AP2S1: variants seen among roughly 807,000 people sequenced by gnomAD.
AP2S1 encodes AP-2 complex subunit sigma.
AP2S1 carries 6 observed loss-of-function variants against 21.0 expected under a neutral mutation model. That is an observed-to-expected ratio of 0.29 (90% CI 0.16 to 0.56). AP2S1 has a LOEUF of 0.56. Ranked by LOEUF, AP2S1 falls within the 20% of genes least tolerant of loss-of-function variation. AP2S1 has a pLI of 0.92. For synonymous variants in AP2S1, 63 were observed against 74.6 expected, an observed-to-expected ratio of 0.84 and a Z score of 0.80; for missense variants, 60 against 186.2, an observed-to-expected ratio of 0.32 and a Z score of 3.95.
chr19:46,850,190 AC>A, intron 1 of AP2S1: 9 of 1,232,316 alleles, frequency 7.3e-6, no homozygotes, highest in Non-Finnish European at 9.1e-6. Flanking sequence ...TTCATTCCCT[AC>A]AGTTGCCTCC....
chr19:46,838,427 G>A lies in AP2S1; in HGVS notation c.*20C>T, dbSNP rs771024844. The A allele has an allele frequency of 6.8e-6, 11 of 1,611,820 alleles. No individual in the cohort carries two copies. Among genetic ancestry groups the A allele is most frequent in the Admixed American group, 3.3e-5 (2 of 59,986 alleles). Reference sequence around the variant, plus strand: ...GGCGAGTCCAGGAGGGGCCGGGGCCGGGGTGGGGCTCGCCTGCCCTCACTC... The same window carrying A: ...GGCGAGTCCAGGAGGGGCCGGGGCCAGGGTGGGGCTCGCCTGCCCTCACTC... On this transcript the variant is annotated 3_prime_UTR_variant, in exon 5 of 5. Coordinates refer to ENST00000263270, the MANE Select transcript of AP2S1 (RefSeq NM_004069.6). This position sits in a 1 kb window ranked among gnomAD's most constrained non-coding sequence, Gnocchi z 4.1.
At chr19:46,850,597 G>C (rs1481556447) in intron 1 of AP2S1, 167 bp downstream of exon 1, 2 of 667,162 alleles carry the variant, frequency 3.0e-6, no homozygotes, top group Non-Finnish European at 5.0e-6. Flanking sequence ...CAGAATCACC[G>C]CCCTGTGCCC....
At chr19:46,850,355 T>C (rs1187135171) in intron 1 of AP2S1, 24 of 1,243,236 alleles carry the variant, frequency 1.9e-5, no homozygotes, top group Non-Finnish European at 2.4e-5. Context: ...TTTTCCAAGG[T>C]CTCGCGTTCT....
In AP2S1 at chr19:46,838,695, C is replaced by A. The variant is rs780320260; in HGVS notation, c.327+45G>T. On this transcript the variant is annotated intron_variant, in intron 4 of 4. Transcript: ENST00000263270. This position sits in a 1 kb window ranked among gnomAD's most constrained non-coding sequence, Gnocchi z 4.1. ...CTAGTGCACCACGGGTCCCCCCCGTCCCCCTCCTCTGGCTCCTTCAGCCTC... is the reference window on the plus strand; with the variant it reads ...CTAGTGCACCACGGGTCCCCCCCGTACCCCTCCTCTGGCTCCTTCAGCCTC... 9 of 1,605,886 alleles carry A rather than the reference C, an allele frequency of 5.6e-6. No individual in the cohort carries two copies. Among genetic ancestry groups the A allele is most frequent in the Non-Finnish European group, 5.1e-6 (6 of 1,173,160 alleles).
chr19:46,850,779 C>T lies in AP2S1; in HGVS notation c.-13G>A. 1 of 1,579,116 alleles carries T rather than the reference C, an allele frequency of 6.3e-7. No individual in the cohort carries two copies. Among genetic ancestry groups the T allele is most frequent in the Non-Finnish European group, 8.6e-7 (1 of 1,161,532 alleles). ...CCCCCGTTACCATGGCGACCCCCGTCCAGACCCCAGCGGCCCCGGTCCCGC... is the reference window on the plus strand; with the variant it reads ...CCCCCGTTACCATGGCGACCCCCGTTCAGACCCCAGCGGCCCCGGTCCCGC... On this transcript the variant is annotated 5_prime_UTR_variant, in exon 1 of 5. Coordinates refer to ENST00000263270, the MANE Select transcript of AP2S1 (RefSeq NM_004069.6).
intron 1 of AP2S1, 128 bp from the exon 2 acceptor site, chr19:46,846,270 C>G (rs138474168): frequency 1.6e-6 from 2 of 1,241,566 alleles, no homozygotes; most frequent in Non-Finnish European, 2.2e-6. Context: ...GCCTGACTTC[C>G]AGGGGTCTCG....
chr19:46,845,212 G>A (rs2055607662), intron 2 of AP2S1, among the ~76,000 whole-genome samples: 1 of 151,454 alleles, frequency 6.6e-6, no homozygotes, highest in Non-Finnish European at 1.5e-5. Context: ...TTCGAGACCA[G>A]CCTGGCCAAC....
At chr19:46,839,440 A>AAAAACC in intron 3 of AP2S1, 25 bp downstream of exon 3, 1 of 738,516 alleles carries the variant, frequency 1.4e-6, no homozygotes, top group Non-Finnish European at 2.1e-6. Context: ...CCGCCTCCCC[A>AAAAACC]CCTTACATCC....
rs1343651695 is a variant in AP2S1, at chr19:46,838,404, C to A, written c.*43G>T. ...GGCCTGGGAAGGGGAAGCGAGCAGG[C>A]GAGTCCAGGAGGGGCCGGGGCCGGG... On this transcript the variant is annotated 3_prime_UTR_variant, in exon 5 of 5. Transcript: ENST00000263270. This position sits in a 1 kb window ranked among gnomAD's most constrained non-coding sequence, Gnocchi z 4.1. 1 of 1,593,258 alleles carries A rather than the reference C, an allele frequency of 6.3e-7. No individual in the cohort carries two copies. Among genetic ancestry groups the A allele is most frequent in the Non-Finnish European group, 8.6e-7 (1 of 1,162,364 alleles).
chr19:46,839,015 G>A (rs895590036), intron 3 of AP2S1, among the ~76,000 whole-genome samples: 2 of 151,904 alleles, frequency 1.3e-5, no homozygotes, highest in Admixed American at 6.6e-5. Context: ...GGTCAGGCGC[G>A]GTGGCTCACA....
intron 1 of AP2S1, 163 bp downstream of exon 1, chr19:46,850,601 T>C: frequency 1.5e-6 from 1 of 680,290 alleles, no homozygotes; most frequent in Non-Finnish European, 2.4e-6. Context: ...ATCACCGCCC[T>C]GTGCCCTCCT....
At chr19:46,846,227 C>G (rs1375455460) in intron 1 of AP2S1, 85 bp from the exon 2 acceptor site, 1 of 1,542,378 alleles carries the variant, frequency 6.5e-7, no homozygotes, top group Non-Finnish European at 8.8e-7. Context: ...CCCATCCACC[C>G]AGAGGGGAGA....
At chr19:46,839,431 C>CCCCCCCCCCCCCAAAAAAACACA in intron 3 of AP2S1, 34 bp downstream of exon 3, 1 of 1,477,028 alleles carries the variant, frequency 6.8e-7, no homozygotes, top group African/African-American at 1.4e-5. Context: ...GCTGCCCACC[C>CCCCCCCCCCCCCAAAAAAACACA]GCCTCCCCAC....
chr19:46,846,677 A>C (rs2055641008), intron 1 of AP2S1, among the ~76,000 whole-genome samples: 1 of 151,748 alleles, frequency 6.6e-6, no homozygotes, highest in African/African-American at 2.4e-5. Context: ...TGTTATTTTT[A>C]AATTTTCAGA....
rs762267195 is a variant in AP2S1, at chr19:46,838,489, C to T, written c.387G>A (p.Thr129=). 1.4e-5 allele frequency: 22 copies of T among 1,614,032 alleles called. No individual in the cohort carries two copies. Among genetic ancestry groups the T allele is most frequent in the African/African-American group, 1.3e-4 (10 of 74,950 alleles). The part of the protein sequence containing the change: ...LAGEIRETSQ[T]KVLKQLLMLQ... ...GCATCAGCAGCTGTTTCAGCACCTT[C>T]GTCTGGCTGGTCTCTCGGATTTCGC... is the stretch of plus-strand genomic sequence containing the variant. Residue 129 remains threonine (T), a synonymous_variant, in exon 5 of 5, where the codon ACG becomes ACA. Coordinates refer to ENST00000263270, the MANE Select transcript of AP2S1 (RefSeq NM_004069.6). This position sits in a 1 kb window ranked among gnomAD's most constrained non-coding sequence, Gnocchi z 4.1.
In AP2S1 at chr19:46,843,287, A is replaced by G. The variant is rs371534; in HGVS notation, c.153+2706T>C. Among the ~76,000 whole-genome samples the G allele has an allele frequency of 3.4e-3, 517 of 152,294 alleles. 4 individuals carry two copies. The highest frequency in any genetic ancestry group is 0.011 in the African/African-American group (477 of 41,558). ...CAGCATCTCCCACCTGGACCACTGC[A>G]GCCACCTCTCTCCGAGCAGTCTCCT... On this transcript the variant is annotated intron_variant, in intron 2 of 4. Coordinates refer to ENST00000263270, the MANE Select transcript of AP2S1 (RefSeq NM_004069.6).
intron 3 of AP2S1, among the ~76,000 whole-genome samples, 141 bp downstream of exon 3, chr19:46,839,296 AAAAAAAAAAAAAAAAAAAAAAGAAAAAG>A (rs2055469825): frequency 6.8e-5 from 3 of 44,358 alleles, no homozygotes; most frequent in African/African-American, 4.6e-4. Flanking sequence ...CAAAAAAAAA[AAAAAAAAAAAAAAAAAAAAAAGAAAAAG>A]AAAAAAAAGA....
At chr19:46,843,912 A>C (rs1305039580) in intron 2 of AP2S1, among the ~76,000 whole-genome samples, 1 of 151,150 alleles carries the variant, frequency 6.6e-6, no homozygotes, top group Non-Finnish European at 1.5e-5. Flanking sequence ...AAACAAAAAC[A>C]ACCTTTCTTT....
chr19:46,847,607 G>A (rs1052430526), intron 1 of AP2S1, among the ~76,000 whole-genome samples: 3 of 151,502 alleles, frequency 2.0e-5, no homozygotes, highest in Admixed American at 6.6e-5. Flanking sequence ...GTCACTCTCC[G>A]TTCCCCCAGG....
Sources: allele counts gnomAD v4.1 joint callset (sites outside exome capture counted in the v4.1 genomes callset), GRCh38; gene constraint gnomAD v4.1.1; non-coding constraint Gnocchi (gnomAD v3.1); transcripts MANE v1.5; gene names NCBI Gene and HGNC (gene_info 2026-07-23, HGNC 2026-07-21).